The following MYLK variants were observed in gnomAD, a reference collection of about 807,000 sequenced individuals.
MYLK encodes myosin light chain kinase, smooth muscle.
MYLK carries 106 observed loss-of-function variants against 203.4 expected under a neutral mutation model. That is an observed-to-expected ratio of 0.52 (90% confidence interval 0.45 to 0.61). The LOEUF is 0.61. Among genes scored for constraint, MYLK ranks in the 20% least tolerant of loss-of-function variants. The probability of loss-of-function intolerance (pLI) is 0.00; values close to 1 mark genes in which losing one functional copy is unlikely to be tolerated. For missense variants in MYLK, 2,072 were observed against 2,442.3 expected (o/e 0.85, Z 3.20); for synonymous variants, 867 against 959.5 (o/e 0.90, Z 1.78).
chr3:123,679,632 A>G (rs2060194625), intron 20 of MYLK, among the ~76,000 whole-genome samples: 1 of 152,186 alleles, frequency 6.6e-6, no homozygotes. Context: ...AAGATGTCTG[A>G]AATTCCAACA....
chr3:123,689,543 C>T (rs1406424981), intron 19 of MYLK: 3 of 110,008 alleles, frequency 2.7e-5, no homozygotes, highest in Admixed American at 9.3e-5. Flanking sequence ...GGAGCCCCAA[C>T]ACCAGATCTA....
chr3:123,756,370 T>C (rs762631622), intron 4 of MYLK, among the ~76,000 whole-genome samples: 25 of 152,160 alleles, frequency 1.6e-4, no homozygotes, highest in Non-Finnish European at 3.1e-4. Context: ...TAGGACAGGA[T>C]TGGTGCCTGC....
At chr3:123,799,555 G>C (rs2065118437) in intron 3 of MYLK, among the ~76,000 whole-genome samples, 1 of 152,156 alleles carries the variant, frequency 6.6e-6, no homozygotes. Context: ...ACCTTCCCTA[G>C]AGGGAGGGGC....
chr3:123,713,579 A>ATGTGTGTGTGTG (rs3085274), intron 13 of MYLK, among the ~76,000 whole-genome samples: 19 of 136,474 alleles, frequency 1.4e-4, no homozygotes, highest in African/African-American at 4.8e-4. Context: ...GAGCAACACA[A>ATGTGTGTGTGTG]TGTGTGTGTG....
Position 123,629,986 on chromosome 3 carries a change from C to T in MYLK, c.4962-360G>A, listed in dbSNP as rs538250670. 1.1e-4 allele frequency among the ~76,000 whole-genome samples: 16 copies of T among 152,190 alleles called. No individual in the cohort carries two copies. Among genetic ancestry groups the T allele is most frequent in the Admixed American group, 5.9e-4 (9 of 15,290 alleles). ...GAGCCTTCTCCAAGCCCCTTCCTCC[C>T]GTGCTCCTGCCCCCTCTCTGTGGAC... On this transcript the variant is annotated intron_variant, in intron 29 of 33. Transcript: ENST00000360304. This position sits in a 1 kb window ranked among gnomAD's most constrained non-coding sequence, Gnocchi z 4.4.
Position 123,640,563 on chromosome 3 carries a change from G to A in MYLK, c.4620-59C>T. On this transcript the variant is annotated intron_variant, in intron 27 of 33. Coordinates refer to ENST00000360304, the MANE Select transcript of MYLK (RefSeq NM_053025.4). This position sits in a 1 kb window ranked among gnomAD's most constrained non-coding sequence, Gnocchi z 4.3. ...CAGGCTCATGGAGGCCAGGCTGGCA[G>A]GGAGTCTGGCCAGGGTAGGCTGGGG... 1 of 1,591,018 alleles carries A rather than the reference G, an allele frequency of 6.3e-7. No homozygotes were observed. The highest frequency in any genetic ancestry group is 8.6e-7 in the Non-Finnish European group (1 of 1,161,136).
chr3:123,625,750 T>G (rs2058113204), intron 31 of MYLK, among the ~76,000 whole-genome samples: 1 of 146,274 alleles, frequency 6.8e-6, no homozygotes, highest in African/African-American at 2.5e-5. Context: ...GAGCTTGCAG[T>G]GAGCCGAGAT....
chr3:123,629,731 C>T lies in MYLK; in HGVS notation c.4962-105G>A. 8.2e-7 allele frequency: 1 copy of T among 1,217,024 alleles called. No individual in the cohort carries two copies. The highest frequency in any genetic ancestry group is 1.2e-6 in the Non-Finnish European group (1 of 830,830). 75.4% of individuals were successfully genotyped at this position (1,217,024 alleles called of 1,614,324 possible). Reference sequence around the variant, plus strand: ...CGAGGGTCGGCCAGCCTCCCCACCCCCAAACTCATGCTCTGTGGGCCTTGC... The same window carrying T: ...CGAGGGTCGGCCAGCCTCCCCACCCTCAAACTCATGCTCTGTGGGCCTTGC... On this transcript the variant is annotated intron_variant, in intron 29 of 33. Transcript: ENST00000360304. The surrounding 1 kb of genome is among the most constrained non-coding windows in gnomAD (Gnocchi z 4.4).
chr3:123,734,139 T>A lies in MYLK; in HGVS notation c.857A>T (p.Asp286Val). The change falls in exon 10 of 34, where the codon GAC becomes GTC. Residue 286 changes from aspartate (D) to valine (V), a missense_variant. Asp to Val is a radical substitution (Grantham distance 152). Around this residue, in one of 3 missense-constraint regions of MYLK, gnomAD observed 683 missense variants for 643.8 expected, o/e 1.06. Transcript: ENST00000360304. ...TNVISKESKL[D>V]SLEAAAKSKN... ...GCTTTTGGCTGCAGCCTCCAGACTG[T>A]CCAGCTTCGACTCCTTTGAGATTAC... 1.3e-6 allele frequency: 2 copies of A among 1,580,914 alleles called. No individual in the cohort carries two copies. Among genetic ancestry groups the A allele is most frequent in the Non-Finnish European group, 1.7e-6 (2 of 1,166,384 alleles).
chr3:123,857,231 C>G lies in MYLK; in HGVS notation c.-127+19328G>C. 1.3e-5 allele frequency among the ~76,000 whole-genome samples: 2 copies of G among 152,140 alleles called. 1 individual carries two copies. The highest frequency in any genetic ancestry group is 2.9e-5 in the Non-Finnish European group (2 of 68,050). On this transcript the variant is annotated intron_variant, in intron 2 of 33. Transcript: ENST00000360304. ...AAACTAGTTCAACCATTGTGGAAGT[C>G]AGTGTGGCGATTCCTCAAGGATCTA...
intron 33 of MYLK, among the ~76,000 whole-genome samples, chr3:123,614,755 G>A (rs1217030161): frequency 6.6e-6 from 1 of 151,612 alleles, no homozygotes; most frequent in Non-Finnish European, 1.5e-5. Flanking sequence ...AGCCTCCTGA[G>A]TAGTGAGACT....
At position 123,648,980 on chromosome 3, in the gene MYLK, C is replaced by T. The variant is rs761390691; in HGVS notation, c.4406G>A (p.Arg1469Lys). Residue 1469 changes from arginine to lysine, a missense_variant, in exon 26 of 34, where the codon AGA becomes AAA. Physicochemically the swap from Arg to Lys is conservative, Grantham distance 26 (BLOSUM62 2). Coordinates refer to ENST00000360304, the MANE Select transcript of MYLK (RefSeq NM_053025.4). This position sits in a 1 kb window ranked among gnomAD's most constrained non-coding sequence, Gnocchi z 4.5. ...KVSDFYDIEE[R>K]LGSGKFGQVF... ...TTCCCACTCCACTTACGATCCTAAT[C>T]TCTCCTCAATGTCGTAGAAGTCAGA... 16 of 1,614,054 alleles carry T rather than the reference C, an allele frequency of 9.9e-6. No homozygotes were observed. Among genetic ancestry groups the T allele is most frequent in the Non-Finnish European group, 1.4e-5 (16 of 1,180,002 alleles).
chr3:123,879,701 C>G (rs901837341), intron 1 of MYLK, among the ~76,000 whole-genome samples: 5 of 152,208 alleles, frequency 3.3e-5, no homozygotes, highest in Non-Finnish European at 5.9e-5. Context: ...GTGGCGCCAT[C>G]TTGGCTCACT....
intron 13 of MYLK, among the ~76,000 whole-genome samples, chr3:123,711,272 T>C (rs1481020321): frequency 3.9e-5 from 6 of 152,128 alleles, no homozygotes; most frequent in African/African-American, 7.2e-5. Flanking sequence ...AATTTCACTT[T>C]TAAAAATCAT....
intron 19 of MYLK, among the ~76,000 whole-genome samples, chr3:123,686,718 A>G (rs1441184576): frequency 6.6e-6 from 1 of 152,160 alleles, no homozygotes; most frequent in Non-Finnish European, 1.5e-5. Flanking sequence ...CATCACCTCA[A>G]TAGAAGAGTG....
intron 23 of MYLK, among the ~76,000 whole-genome samples, chr3:123,662,669 C>T (rs2059602127): frequency 6.6e-6 from 1 of 152,232 alleles, no homozygotes; most frequent in African/African-American, 2.4e-5. Flanking sequence ...ACGGTAGCCA[C>T]ACAAGCCCTG....
chr3:123,863,839 C>G (rs1282586089), intron 2 of MYLK, among the ~76,000 whole-genome samples: 1 of 152,126 alleles, frequency 6.6e-6, no homozygotes, highest in African/African-American at 2.4e-5. Flanking sequence ...CTAGCAATTC[C>G]ACTCCTAGAT....
intron 2 of MYLK, among the ~76,000 whole-genome samples, chr3:123,860,210 C>T (rs1056158845): frequency 6.6e-6 from 1 of 152,158 alleles, no homozygotes; most frequent in Non-Finnish European, 1.5e-5. Context: ...CTGGCAGGCC[C>T]GGCACACGGC....
intron 30 of MYLK, among the ~76,000 whole-genome samples, chr3:123,627,937 T>C (rs1023500844): frequency 6.6e-6 from 1 of 152,200 alleles, no homozygotes; most frequent in Non-Finnish European, 1.5e-5. Context: ...AAATAAGATA[T>C]ATACACACAC....
Sources: allele counts gnomAD v4.1 joint callset (sites outside exome capture counted in the v4.1 genomes callset), GRCh38; gene constraint gnomAD v4.1.1; regional missense constraint gnomAD v4.1.1; non-coding constraint Gnocchi (gnomAD v3.1); transcripts MANE v1.5; gene names NCBI Gene and HGNC (gene_info 2026-07-23, HGNC 2026-07-21).